Variants in P2RY14 observed in about 807,000 individuals in gnomAD.
P2RY14 encodes purinergic receptor P2Y14, also known as P2Y purinoceptor 14.
P2RY14 carries 2 observed loss-of-function variants against 0.9 expected under a neutral mutation model. The ratio of observed to expected loss-of-function variants is 2.16; its 90% confidence interval spans 0.88 to 6.79. The LOEUF (loss-of-function observed/expected upper bound fraction) is 6.79, where lower values mean the gene tolerates loss of function less well. Among genes scored for constraint, P2RY14 ranks in the 30% most tolerant of loss-of-function variants. The pLI is 0.05. For missense variants in P2RY14, 378 were observed against 400.1 expected (o/e 0.94, Z 0.47); for synonymous variants, 158 against 147.2 (o/e 1.07, Z -0.53).
chr3:151,234,204 G>A (rs1732276228), intron 1 of P2RY14, among the ~76,000 whole-genome samples: 1 of 152,198 alleles, frequency 6.6e-6, no homozygotes, highest in African/African-American at 2.4e-5. Context: ...AGGAGAATGG[G>A]TAAAAAACCC....
At chr3:151,230,888 G>A (rs1180915414) in intron 1 of P2RY14, among the ~76,000 whole-genome samples, 9 of 152,146 alleles carry the variant, frequency 5.9e-5, no homozygotes, top group Non-Finnish European at 5.9e-5. Flanking sequence ...CCACTGAAAG[G>A]AAACAGGGCT....
chr3:151,236,048 C>T (rs754842544), intron 1 of P2RY14, among the ~76,000 whole-genome samples: 3 of 152,112 alleles, frequency 2.0e-5, no homozygotes, highest in Non-Finnish European at 4.4e-5. Context: ...AACTTATTCT[C>T]CTCTCCCCCT....
intron 1 of P2RY14, among the ~76,000 whole-genome samples, chr3:151,257,681 TA>T (rs1738084101): frequency 1.3e-5 from 2 of 152,378 alleles, no homozygotes; most frequent in South Asian, 4.1e-4. Context: ...TGGGCTTTCA[TA>T]CCATCTTCAA....
chr3:151,276,927 C>T (rs1741964639), intron 1 of P2RY14, among the ~76,000 whole-genome samples: 1 of 152,150 alleles, frequency 6.6e-6, no homozygotes, highest in Non-Finnish European at 1.5e-5. Flanking sequence ...GACAGGGTCT[C>T]ACTCTCTCGC....
intron 1 of P2RY14, among the ~76,000 whole-genome samples, chr3:151,254,257 G>T (rs1737397864): frequency 1.3e-5 from 2 of 152,102 alleles, no homozygotes; most frequent in African/African-American, 4.8e-5. Context: ...AGCTCACTGT[G>T]CACGTTTCCC....
intron 1 of P2RY14, among the ~76,000 whole-genome samples, chr3:151,226,061 AG>A (rs1398945763): frequency 6.6e-6 from 1 of 152,214 alleles, no homozygotes; most frequent in African/African-American, 2.4e-5. Context: ...GGGAACTCTC[AG>A]GAAGATTCCA....
intron 2 of P2RY14, among the ~76,000 whole-genome samples, chr3:151,216,715 C>T (rs887430610): frequency 6.6e-6 from 1 of 152,250 alleles, no homozygotes. Flanking sequence ...TGGGTTTGTA[C>T]TCATTTGCTT....
chr3:151,268,299 C>G (rs553430038), intron 1 of P2RY14, among the ~76,000 whole-genome samples: 1 of 152,132 alleles, frequency 6.6e-6, no homozygotes, highest in African/African-American at 2.4e-5. Context: ...CTGTGAATTA[C>G]TGTTTTATGG....
chr3:151,232,001 C>T (rs572835589), intron 1 of P2RY14, among the ~76,000 whole-genome samples: 14 of 152,186 alleles, frequency 9.2e-5, no homozygotes, highest in Admixed American at 5.9e-4. Flanking sequence ...TACATGTATA[C>T]ACACACGTGT....
intron 1 of P2RY14, among the ~76,000 whole-genome samples, chr3:151,243,084 T>C (rs1577089680): frequency 6.6e-6 from 1 of 150,804 alleles, no homozygotes; most frequent in African/African-American, 2.4e-5. Context: ...TAAAAAGAAA[T>C]GAGCAAAGCC....
At chr3:151,249,064 A>G (rs1736336246) in intron 1 of P2RY14, 1 of 152,220 alleles carries the variant, frequency 6.6e-6, no homozygotes, top group African/African-American at 2.4e-5. Flanking sequence ...CTTGAATGTC[A>G]GGTACTACAG....
chr3:151,267,879 G>A (rs1304194583), intron 1 of P2RY14, among the ~76,000 whole-genome samples: 2 of 152,134 alleles, frequency 1.3e-5, no homozygotes, highest in African/African-American at 4.8e-5. Flanking sequence ...CAGTGTTTGA[G>A]AATAGCTTTT....
intron 1 of P2RY14, among the ~76,000 whole-genome samples, chr3:151,262,084 T>A (rs1444481388): frequency 6.6e-6 from 1 of 152,226 alleles, no homozygotes; most frequent in Admixed American, 6.5e-5. Context: ...TTAAAACTAC[T>A]ATTTTTTAAT....
intron 1 of P2RY14, among the ~76,000 whole-genome samples, chr3:151,277,416 GT>G (rs1363901237): frequency 4.0e-5 from 6 of 150,964 alleles, no homozygotes; most frequent in African/African-American, 7.3e-5. Flanking sequence ...TAATGGCTAG[GT>G]TTTTTTTTAG....
intron 1 of P2RY14, among the ~76,000 whole-genome samples, chr3:151,226,353 G>C (rs1158751693): frequency 1.3e-5 from 2 of 152,202 alleles, no homozygotes; most frequent in Non-Finnish European, 2.9e-5. Flanking sequence ...CTAAGCTCTT[G>C]GGTAACATGA....
intron 1 of P2RY14, among the ~76,000 whole-genome samples, chr3:151,260,102 C>G (rs139677153): frequency 5.3e-5 from 8 of 152,162 alleles, no homozygotes; most frequent in Non-Finnish European, 1.0e-4. Flanking sequence ...ACTGGGGACA[C>G]CATTGGTGGG....
chr3:151,242,782 C>T (rs1734480179), intron 1 of P2RY14, among the ~76,000 whole-genome samples: 1 of 151,788 alleles, frequency 6.6e-6, no homozygotes, highest in South Asian at 2.1e-4. Context: ...CTTTGACGAG[C>T]TGAGAGAAGA....
At position 151,213,653 on chromosome 3, in the gene P2RY14, G is replaced by T. The variant is rs768110075; in HGVS notation, c.664C>A (p.Arg222=). The change falls in exon 3 of 3, where the codon CGG becomes AGG. Residue 222 remains arginine, a synonymous_variant. Coordinates refer to ENST00000309170, the MANE Select transcript of P2RY14 (RefSeq NM_014879.4). ...KIFKSHLKSS[R]NSTSVKKKSS... ...TTCTTTTTGACCGAAGTGGAATTCC[G>T]ACTTGACTTAAGGTGGGACTTAAAG... 2 of 1,614,116 alleles carry T rather than the reference G, an allele frequency of 1.2e-6. No homozygotes were observed. The highest frequency in any genetic ancestry group is 2.2e-5 in the South Asian group (2 of 91,080).
chr3:151,233,373 C>T (rs1732087924), intron 1 of P2RY14, among the ~76,000 whole-genome samples: 1 of 152,188 alleles, frequency 6.6e-6, no homozygotes, highest in Non-Finnish European at 1.5e-5. Context: ...TATAGTCTTT[C>T]TTTTCAATGG....
Sources: allele counts gnomAD v4.1 joint callset (sites outside exome capture counted in the v4.1 genomes callset), GRCh38; gene constraint gnomAD v4.1.1; transcripts MANE v1.5; gene names NCBI Gene and HGNC (gene_info 2026-07-23, HGNC 2026-07-21).